Variants in KIF7 observed in about 807,000 individuals in gnomAD.
KIF7 encodes kinesin family member 7.
In KIF7, 104 loss-of-function variants were observed where a neutral mutation model predicts 135.7. The observed-to-expected ratio is 0.77, with a 90% CI of 0.65 to 0.90. KIF7 has a LOEUF of 0.90. Ranked by LOEUF, KIF7 falls within the 40% of genes least tolerant of loss-of-function variation. KIF7 has a pLI of 0.00. For synonymous variants in KIF7, 883 were observed against 809.4 expected (o/e 1.09, Z -1.54); for missense variants, 2,005 against 1,839.1 (o/e 1.09, Z -1.65).
At chr15:89,653,732 G>A (rs1332200879) in intron 1 of KIF7, among the ~76,000 whole-genome samples, 5 of 149,744 alleles carry the variant, frequency 3.3e-5, no homozygotes, top group Non-Finnish European at 7.4e-5. Flanking sequence ...CATGTACCTG[G>A]CTAATTTTAT....
Position 89,628,087 on chromosome 15 carries a change from T to G in KIF7, c.*332A>C. ...CCACAACCTGGTTACCACCGACCCT[T>G]TCGTGATGATTCTTGGCCAAACCCC... On this transcript the variant is annotated 3_prime_UTR_variant, in exon 19 of 19. Coordinates refer to ENST00000394412, the MANE Select transcript of KIF7 (RefSeq NM_198525.3). 2 of 259,080 alleles carry G rather than the reference T, an allele frequency of 7.7e-6. No individual in the cohort carries two copies. Among genetic ancestry groups the G allele is most frequent in the Non-Finnish European group, 1.5e-5 (2 of 137,050 alleles). 16.0% of individuals were successfully genotyped at this position (259,080 alleles called of 1,614,324 possible).
upstream of KIF7, among the ~76,000 whole-genome samples, chr15:89,657,611 G>A (rs1964221297): frequency 6.6e-6 from 1 of 152,128 alleles, no homozygotes; most frequent in South Asian, 2.1e-4. Flanking sequence ...CTGATTCCAT[G>A]TATTAGGGTA....
At chr15:89,631,926 G>C (rs1349268533) in intron 14 of KIF7, among the ~76,000 whole-genome samples, 3 of 152,228 alleles carry the variant, frequency 2.0e-5, no homozygotes, top group East Asian at 1.9e-4. Flanking sequence ...CTCAGAGATG[G>C]CGAGAGGAGG....
the KIF7 span, among the ~76,000 whole-genome samples, chr15:89,662,862 T>G: frequency 6.6e-6 from 1 of 152,328 alleles, no homozygotes; most frequent in African/African-American, 2.4e-5. Context: ...GAGAAGCAGG[T>G]TTAGTGTACC....
Position 89,633,827 on chromosome 15 carries a change from A to T in KIF7, c.2451T>A (p.Ser817Arg), listed in dbSNP as rs200055380. ...TERLVSLSAQ[S>R]EKRLQELERN... ...GCTCGAGCTCCTGCAGTCGCTTCTC[A>T]CTCTGGGCCGACAGTGACACCAGCC... The change falls in exon 12 of 19, where the codon AGT (serine) becomes AGA (arginine). Residue 817 changes from serine to arginine, a missense_variant. Ser to Arg is a moderately radical substitution (Grantham distance 110). Coordinates refer to ENST00000394412, the MANE Select transcript of KIF7 (RefSeq NM_198525.3). The T allele has an allele frequency of 3.1e-6, 5 of 1,612,972 alleles. No homozygotes were observed. The South Asian group carries it at 4.4e-5, about 14-fold the overall frequency.
Position 89,648,380 on chromosome 15 carries a change from C to G in KIF7, c.1318G>C (p.Val440Leu). ...PGLPGAAARK[V>L]RDWLCAVEGE... ...TCGACGGCGCACAGCCAGTCGCGCACCTTGCGGGCGGCGGCGCCGGGCAGC... is the reference window on the plus strand; with the variant it reads ...TCGACGGCGCACAGCCAGTCGCGCAGCTTGCGGGCGGCGGCGCCGGGCAGC... Residue 440 changes from valine to leucine, a missense_variant, in exon 5 of 19, where the codon GTG becomes CTG. Coordinates refer to ENST00000394412, the MANE Select transcript of KIF7 (RefSeq NM_198525.3). The G allele has an allele frequency of 8.3e-7, 1 of 1,203,018 alleles. No individual in the cohort carries two copies. The highest frequency in any genetic ancestry group is 1.0e-6 in the Non-Finnish European group (1 of 967,372). 74.5% of individuals were successfully genotyped at this position (1,203,018 alleles called of 1,614,324 possible). A position where few individuals can be genotyped will look rare whatever the true frequency, so the allele number is the denominator to read the frequency against.
downstream of KIF7, chr15:89,627,770 C>CGTTTCCA (rs1247032335): frequency 1.3e-5 from 2 of 152,592 alleles, no homozygotes; most frequent in Non-Finnish European, 2.9e-5. Context: ...CCTGGCTCAT[C>CGTTTCCA]GTTTCCACCA....
In KIF7 at chr15:89,645,428, T is replaced by C. The variant is rs1464082590; in HGVS notation, c.1946A>G (p.Gln649Arg). ...ACTCCCTGGGCGTGCCCCCGCCCTCTGACTGCAGTTGCTGATCCTATTTCT... is the reference window on the plus strand; with the variant it reads ...ACTCCCTGGGCGTGCCCCCGCCCTCCGACTGCAGTTGCTGATCCTATTTCT... ...LRRNRISNCSQRAGARPGSLP... is the reference protein window; with the variant it reads ...LRRNRISNCSRRAGARPGSLP... The change falls in exon 9 of 19, where the codon CAG (glutamine) becomes CGG (arginine). Residue 649 changes from glutamine to arginine, a missense_variant. Gln to Arg is a conservative substitution (Grantham distance 43, BLOSUM62 1). Coordinates refer to ENST00000394412, the MANE Select transcript of KIF7 (RefSeq NM_198525.3). The C allele has an allele frequency of 1.2e-6, 2 of 1,613,628 alleles. No individual in the cohort carries two copies. Among genetic ancestry groups the C allele is most frequent in the South Asian group, 1.1e-5 (1 of 91,006 alleles).
chr15:89,620,243 C>T (rs1963402796), intron 1 of KIF7, among the ~76,000 whole-genome samples: 1 of 152,198 alleles, frequency 6.6e-6, no homozygotes. Flanking sequence ...AGGTCTCACT[C>T]TGTCACCCAG....
At chr15:89,653,745 TTAG>T (rs764388441) in intron 1 of KIF7, among the ~76,000 whole-genome samples, 2,833 of 21,476 alleles carry the variant, frequency 0.13, 79 homozygotes, top group African/African-American at 0.36. Context: ...AATTTTATTA[TTAG>T]TATTAGTATT....
In KIF7 at chr15:89,628,737, A is replaced by T. The variant is rs763506306; in HGVS notation, c.3714T>A (p.Asn1238Lys). Residue 1238 changes from asparagine to lysine, a missense_variant, in exon 19 of 19, where the codon AAT becomes AAA. Physicochemically the swap from Asn to Lys is moderately conservative, Grantham distance 94. Transcript: ENST00000394412. Reference protein sequence around the residue: ...LCSEGRQAPGNEDELHLAPEL... With the variant: ...LCSEGRQAPGKEDELHLAPEL... ...CGGGTGCCAGGTGGAGCTCATCTTCATTTCCAGGAGCCTGTCTGCCCTCCG... is the reference window on the plus strand; with the variant it reads ...CGGGTGCCAGGTGGAGCTCATCTTCTTTTCCAGGAGCCTGTCTGCCCTCCG... 6.2e-7 allele frequency: 1 copy of T among 1,612,556 alleles called. No homozygotes were observed. Among genetic ancestry groups the T allele is most frequent in the Non-Finnish European group, 8.5e-7 (1 of 1,179,886 alleles).
At chr15:89,644,600 G>A (rs756998662) in intron 10 of KIF7, among the ~76,000 whole-genome samples, 15 of 151,962 alleles carry the variant, frequency 9.9e-5, no homozygotes, top group African/African-American at 1.7e-4. Context: ...CAGGAGAATC[G>A]CTTGAACCCG....
downstream of KIF7, chr15:89,623,820 T>G: frequency 6.2e-7 from 1 of 1,613,592 alleles, no homozygotes; most frequent in Non-Finnish European, 8.5e-7. Flanking sequence ...CACCATTGGA[T>G]TCAAAAATCA....
intron 11 of KIF7, among the ~76,000 whole-genome samples, chr15:89,634,512 C>T (rs903131708): frequency 3.3e-5 from 5 of 152,298 alleles, no homozygotes; most frequent in Admixed American, 6.5e-5. Context: ...TTGCCTCACT[C>T]GGGAAGTGCA....
chr15:89,639,725 T>A (rs1963881828), intron 11 of KIF7, among the ~76,000 whole-genome samples: 1 of 147,456 alleles, frequency 6.8e-6, no homozygotes, highest in Non-Finnish European at 1.5e-5. Context: ...ATTGTGGAAG[T>A]CAGTGTGGCA....
chr15:89,620,941 C>CT (rs1963414918), intron 1 of KIF7, among the ~76,000 whole-genome samples: 1 of 151,344 alleles, frequency 6.6e-6, no homozygotes, highest in Non-Finnish European at 1.5e-5. Context: ...CCAGGATAGT[C>CT]TCGATCTCCG....
At chr15:89,653,538 C>T (rs1289587334) in intron 1 of KIF7, among the ~76,000 whole-genome samples, 2 of 152,188 alleles carry the variant, frequency 1.3e-5, no homozygotes, top group Admixed American at 1.3e-4. Context: ...TTCCCCCTGG[C>T]ATCAGTCTCC....
chr15:89,618,161 T>C (rs769553641), exon 2 of KIF7: 1 of 1,614,196 alleles, frequency 6.2e-7, no homozygotes, highest in Admixed American at 1.7e-5. Flanking sequence ...GGTCCTCTGA[T>C]CCTGGTCCTG....
chr15:89,618,086 C>T (rs1963364259), exon 2 of KIF7: 2 of 1,499,534 alleles, frequency 1.3e-6, no homozygotes, highest in Admixed American at 3.3e-5. Flanking sequence ...GAGAAGCTGC[C>T]TGTCTCCTTA....
Sources: allele counts gnomAD v4.1 joint callset (sites outside exome capture counted in the v4.1 genomes callset), GRCh38; gene constraint gnomAD v4.1.1; transcripts MANE v1.5; gene names NCBI Gene and HGNC (gene_info 2026-07-23, HGNC 2026-07-21).